The following ASIP variants were observed in gnomAD, a reference collection of about 807,000 sequenced individuals.
ASIP encodes agouti signaling protein, also known as agouti-signaling protein.
In ASIP, 11 loss-of-function variants were observed where a neutral mutation model predicts 10.3. That is an observed-to-expected ratio of 1.07 (90% CI 0.68 to 1.78). The LOEUF is 1.78. Among genes scored for constraint, ASIP ranks in the 40% most tolerant of loss-of-function variants. The pLI is 0.00. For synonymous variants in ASIP, 70 were observed against 70.8 expected (o/e 0.99, Z 0.06); for missense variants, 180 against 169.2 (o/e 1.06, Z -0.35).
intron 1 of ASIP, among the ~76,000 whole-genome samples, chr20:34,254,359 G>A (rs544094164): frequency 3.2e-4 from 49 of 152,308 alleles, no homozygotes; most frequent in African/African-American, 1.1e-3. Context: ...CACAGGGCCC[G>A]GCCTAGCATT....
intron 2 of ASIP, 70 bp from the exon 3 acceptor site, chr20:34,262,762 C>A: frequency 1.3e-6 from 2 of 1,565,532 alleles, no homozygotes; most frequent in South Asian, 1.1e-5. Flanking sequence ...CCCCCTCTGC[C>A]CCTCTCACTT....
At chr20:34,244,051 T>C (rs1000184697) in intron 1 of ASIP, among the ~76,000 whole-genome samples, 2 of 152,050 alleles carry the variant, frequency 1.3e-5, no homozygotes, top group Non-Finnish European at 2.9e-5. Flanking sequence ...GGCGACAGAG[T>C]GAGACTCCAT....
intron 1 of ASIP, among the ~76,000 whole-genome samples, chr20:34,228,012 G>A (rs889870225): frequency 4.6e-5 from 7 of 152,132 alleles, no homozygotes; most frequent in African/African-American, 1.7e-4. Flanking sequence ...TCAGCAAATG[G>A]TACTGGAACA....
At chr20:34,250,600 C>T (rs946157564) in intron 1 of ASIP, among the ~76,000 whole-genome samples, 2 of 152,126 alleles carry the variant, frequency 1.3e-5, no homozygotes, top group Admixed American at 1.3e-4. Context: ...GAGTTTGAGA[C>T]CAGCCTGGTC....
intron 1 of ASIP, among the ~76,000 whole-genome samples, chr20:34,242,599 C>T (rs2122607742): frequency 6.6e-6 from 1 of 152,322 alleles, no homozygotes; most frequent in Middle Eastern, 3.4e-3. Flanking sequence ...AACAAACAAA[C>T]AACAAAACAA....
upstream of ASIP, among the ~76,000 whole-genome samples, chr20:34,194,301 A>G (rs572535852): frequency 3.3e-5 from 5 of 152,298 alleles, no homozygotes; most frequent in East Asian, 9.6e-4. Context: ...TCATCTTTTC[A>G]TCTTTTAATC....
upstream of ASIP, among the ~76,000 whole-genome samples, chr20:34,240,372 G>C (rs1169983381): frequency 1.3e-5 from 2 of 152,132 alleles, no homozygotes; most frequent in African/African-American, 4.8e-5. Context: ...CTCTGATTTA[G>C]TTGGGTATGA....
At chr20:34,201,017 C>CTTTCTTTCTTTCTTT (rs2034892333) in intron 1 of ASIP, among the ~76,000 whole-genome samples, 1 of 63,416 alleles carries the variant, frequency 1.6e-5, no homozygotes, top group African/African-American at 7.1e-5. Context: ...TCCTTCCTTC[C>CTTTCTTTCTTTCTTT]TTCTTTCTTT....
chr20:34,213,875 C>A (rs1243906977), intron 1 of ASIP: 2 of 1,565,348 alleles, frequency 1.3e-6, no homozygotes, highest in Non-Finnish European at 1.8e-6. Flanking sequence ...TTGCTGAAAG[C>A]TTTACTAGTT....
At chr20:34,196,569 C>T (rs1202712729) in intron 1 of ASIP, among the ~76,000 whole-genome samples, 2 of 152,040 alleles carry the variant, frequency 1.3e-5, no homozygotes, top group African/African-American at 2.4e-5. Context: ...AAAAAGAGTA[C>T]GATTCATAGG....
chr20:34,253,099 CTCTT>C (rs775685092), intron 1 of ASIP, among the ~76,000 whole-genome samples: 4 of 152,018 alleles, frequency 2.6e-5, no homozygotes, highest in East Asian at 1.9e-4. Flanking sequence ...AACCTGATCT[CTCTT>C]TCTTTTTTTT....
At chr20:34,206,609 C>T (rs1029894206) in intron 1 of ASIP, among the ~76,000 whole-genome samples, 1 of 151,812 alleles carries the variant, frequency 6.6e-6, no homozygotes. Context: ...GACAAAGTCT[C>T]GCTCTGTCAC....
At chr20:34,236,752 G>A (rs964394406), upstream of ASIP, among the ~76,000 whole-genome samples, 7 of 152,134 alleles carry the variant, frequency 4.6e-5, no homozygotes, top group Admixed American at 3.3e-4. Flanking sequence ...CTGATACGAA[G>A]GCAGCTGAAG....
intron 3 of ASIP, among the ~76,000 whole-genome samples, chr20:34,265,439 G>A (rs1601618604): frequency 6.6e-6 from 1 of 151,912 alleles, no homozygotes. Flanking sequence ...TAGGAGAATC[G>A]CTTGAGCCTG....
At chr20:34,221,944 T>C (rs867468432) in intron 1 of ASIP, among the ~76,000 whole-genome samples, 1 of 151,960 alleles carries the variant, frequency 6.6e-6, no homozygotes, top group Non-Finnish European at 1.5e-5. Context: ...ACCTTGTCCC[T>C]ACAAATAATA....
chr20:34,205,720 G>C (rs2034931953), intron 1 of ASIP, among the ~76,000 whole-genome samples: 1 of 150,616 alleles, frequency 6.6e-6, no homozygotes, highest in Non-Finnish European at 1.5e-5. Flanking sequence ...GCTGATTGGT[G>C]CTTTTACAAT....
intron 1 of ASIP, among the ~76,000 whole-genome samples, chr20:34,202,741 G>C (rs1008207149): frequency 6.8e-6 from 1 of 146,488 alleles, no homozygotes; most frequent in African/African-American, 2.5e-5. Context: ...AATAAGTTTT[G>C]ATATTTGGTA....
At chr20:34,257,618 T>C (rs2035595987) in intron 1 of ASIP, among the ~76,000 whole-genome samples, 1 of 152,206 alleles carries the variant, frequency 6.6e-6, no homozygotes, top group South Asian at 2.1e-4. Context: ...TGTTACTGTA[T>C]TGAATCTTTA....
At chr20:34,268,965 A>C (rs1442532310) in intron 3 of ASIP, 26 bp from the exon 4 acceptor site, 5 of 1,582,556 alleles carry the variant, frequency 3.2e-6, no homozygotes, top group Non-Finnish European at 4.3e-6. Context: ...TGGCCGGCTC[A>C]TAAAGCCCCG....
Sources: gnomAD v4.1 joint callset for allele counts (sites outside exome capture counted in the v4.1 genomes callset) on GRCh38, gnomAD v4.1.1 for gene constraint, MANE v1.5 for transcripts, NCBI Gene and HGNC (gene_info 2026-07-23, HGNC 2026-07-21) for gene names.